MALRD1: variants seen among roughly 807,000 people sequenced by gnomAD.
The protein encoded by MALRD1 is MAM and LDL receptor class A domain containing 1.
MALRD1 carries 247 observed loss-of-function variants against 242.1 expected under a neutral mutation model. That is an observed-to-expected ratio of 1.02 (90% CI 0.92 to 1.13). The LOEUF (loss-of-function observed/expected upper bound fraction) is 1.13. Among genes scored for constraint, MALRD1 ranks in the 50% most tolerant of loss-of-function variants. The pLI is 0.00. For missense variants in MALRD1, 2,989 were observed against 2,533.1 expected (o/e 1.18, Z -3.86); for synonymous variants, 995 against 866.6 (o/e 1.15, Z -2.60).
At chr10:19,322,968 G>T (rs1455088022) in intron 21 of MALRD1, among the ~76,000 whole-genome samples, 1 of 152,014 alleles carries the variant, frequency 6.6e-6, no homozygotes, top group Non-Finnish European at 1.5e-5. Flanking sequence ...AACCTAGAAT[G>T]ACTTTAATGT....
At chr10:19,554,840 C>T (rs1379904607) in intron 32 of MALRD1, among the ~76,000 whole-genome samples, 2 of 152,026 alleles carry the variant, frequency 1.3e-5, no homozygotes, top group African/African-American at 4.8e-5. Flanking sequence ...CATTTCTTTG[C>T]TACTGTATGC....
At chr10:19,241,168 A>G (rs1345988338) in intron 18 of MALRD1, among the ~76,000 whole-genome samples, 1 of 152,092 alleles carries the variant, frequency 6.6e-6, no homozygotes, top group Non-Finnish European at 1.5e-5. Context: ...GGTAGAATTC[A>G]GCAGTGAAGA....
intron 28 of MALRD1, among the ~76,000 whole-genome samples, chr10:19,390,739 A>G (rs1188617525): frequency 6.6e-6 from 1 of 152,106 alleles, no homozygotes; most frequent in Non-Finnish European, 1.5e-5. Context: ...TGAGCTGAAT[A>G]CCAAAGAGCT....
At chr10:19,053,004 C>T (rs1427351451) in intron 1 of MALRD1, among the ~76,000 whole-genome samples, 3 of 152,184 alleles carry the variant, frequency 2.0e-5, no homozygotes, top group Admixed American at 6.5e-5. Context: ...GAATCTCTGA[C>T]CTCCCTTGAT....
chr10:19,691,270 AAGGCATTCTGAT>A (rs1394374311), intron 36 of MALRD1, among the ~76,000 whole-genome samples: 1 of 152,164 alleles, frequency 6.6e-6, no homozygotes, highest in Non-Finnish European at 1.5e-5. Context: ...TAAAGAAAGA[AAGGCATTCTGAT>A]AGGCCTCCAT....
chr10:19,501,922 G>A (rs1348799832), intron 31 of MALRD1, among the ~76,000 whole-genome samples: 3 of 151,368 alleles, frequency 2.0e-5, no homozygotes, highest in Non-Finnish European at 2.9e-5. Context: ...CCCACTACTC[G>A]GGAGGCTGAG....
chr10:19,695,400 T>C (rs996315974), intron 38 of MALRD1, among the ~76,000 whole-genome samples: 3 of 152,004 alleles, frequency 2.0e-5, no homozygotes, highest in African/African-American at 7.2e-5. Flanking sequence ...AATAAAGACA[T>C]ACCAAGACTG....
chr10:19,159,391 C>T (rs778088794), intron 12 of MALRD1, among the ~76,000 whole-genome samples: 2 of 151,458 alleles, frequency 1.3e-5, no homozygotes, highest in African/African-American at 4.9e-5. Flanking sequence ...TCTGTATCTT[C>T]GTATTCTAGA....
intron 5 of MALRD1, among the ~76,000 whole-genome samples, chr10:19,119,292 G>C (rs139158646): frequency 1.7e-3 from 258 of 152,270 alleles, no homozygotes; most frequent in African/African-American, 6.0e-3. Context: ...CCGCCCAAGG[G>C]GTTCACCTTG....
At chr10:19,673,670 C>T (rs1191898410) in intron 36 of MALRD1, among the ~76,000 whole-genome samples, 3 of 151,982 alleles carry the variant, frequency 2.0e-5, no homozygotes, top group East Asian at 1.9e-4. Context: ...AACAAACAGC[C>T]AAATAGCCTA....
At chr10:19,119,391 G>C (rs780042806) in intron 5 of MALRD1, among the ~76,000 whole-genome samples, 5 of 152,140 alleles carry the variant, frequency 3.3e-5, no homozygotes, top group Non-Finnish European at 7.3e-5. Context: ...TGGGAGACTG[G>C]AGTTATATTA....
chr10:19,535,820 C>T lies in MALRD1; in HGVS notation c.5478+4469C>T, dbSNP rs529561803. 7.9e-5 allele frequency among the ~76,000 whole-genome samples: 12 copies of T among 152,202 alleles called. No individual in the cohort carries two copies. In the South Asian group the frequency reaches 2.5e-3, roughly 32 times the overall value. On this transcript the variant is annotated intron_variant, in intron 32 of 39. Transcript: ENST00000454679. ...CCCAGAATGTGCCATAAACACATGA[C>T]CTCTTGAGTTAATAATAGCAAATGT...
rs969873995 is a variant in MALRD1, at chr10:19,497,118, A to G, written c.5159-1367A>G. Among the ~76,000 whole-genome samples, 5 of 152,168 alleles carry G rather than the reference A, an allele frequency of 3.3e-5. No individual in the cohort carries two copies. The South Asian group carries it at 6.2e-4, about 19-fold the overall frequency. ...TGCGGAATAAATATTGTAGGGCTGTATATCAGGGAGTCACTTACATAGAAA... is the reference window on the plus strand; with the variant it reads ...TGCGGAATAAATATTGTAGGGCTGTGTATCAGGGAGTCACTTACATAGAAA... On this transcript the variant is annotated intron_variant, in intron 30 of 39. Transcript: ENST00000454679.
chr10:19,290,890 C>G (rs1317648846), intron 21 of MALRD1, among the ~76,000 whole-genome samples: 2 of 151,986 alleles, frequency 1.3e-5, no homozygotes, highest in African/African-American at 4.8e-5. Context: ...TTTATATGAT[C>G]TCAGAGTCCT....
At position 19,719,223 on chromosome 10, in the gene MALRD1, C is replaced by CATATATATATATATATAT. The variant is rs368394538; in HGVS notation, c.6315-11464_6315-11447dup. Among the ~76,000 whole-genome samples, 129 of 76,352 alleles carry CATATATATATATATATAT rather than the reference C, an allele frequency of 1.7e-3. 3 individuals carry two copies. The highest frequency in any genetic ancestry group is 2.1e-3 in the Non-Finnish European group (88 of 42,460). 50.1% of individuals were successfully genotyped at this position (76,352 alleles called of 152,430 possible). A position where few individuals can be genotyped will look rare whatever the true frequency, so the allele number is the denominator to read the frequency against. ...ATATATATATATATACACATACATA[C>CATATATATATATATATAT]ATATATATATATATATATATATATA... On this transcript the variant is annotated intron_variant, in intron 38 of 39. Coordinates refer to ENST00000454679, the MANE Select transcript of MALRD1 (RefSeq NM_001142308.3).
At chr10:19,530,698 G>T (rs770748392) in intron 31 of MALRD1, among the ~76,000 whole-genome samples, 12 of 151,572 alleles carry the variant, frequency 7.9e-5, no homozygotes, top group Non-Finnish European at 1.5e-4. Flanking sequence ...GAGAAGAAAA[G>T]AAATAGTGTA....
rs183816528 is a variant in MALRD1, at chr10:19,385,200, A to G, written c.4442-2328A>G. Among the ~76,000 whole-genome samples, 412 of 152,136 alleles carry G rather than the reference A, an allele frequency of 2.7e-3. 2 individuals are homozygous for G. Among genetic ancestry groups the G allele is most frequent in the African/African-American group, 9.3e-3 (388 of 41,528 alleles). On this transcript the variant is annotated intron_variant, in intron 26 of 39. Coordinates refer to ENST00000454679, the MANE Select transcript of MALRD1 (RefSeq NM_001142308.3). ...GAGGATTTTTGCATCCATATTTATT[A>G]GGGATATTGGCTGTAGTTTTCTCCT...
intron 29 of MALRD1, among the ~76,000 whole-genome samples, chr10:19,485,752 T>G (rs1196499399): frequency 1.3e-5 from 2 of 152,016 alleles, no homozygotes; most frequent in Admixed American, 6.6e-5. Flanking sequence ...GACAAATCCA[T>G]CGATACATTT....
At chr10:19,675,365 A>G (rs764672162) in intron 36 of MALRD1, among the ~76,000 whole-genome samples, 4 of 152,162 alleles carry the variant, frequency 2.6e-5, no homozygotes, top group Non-Finnish European at 4.4e-5. Context: ...TGAATTTACT[A>G]CTTACAAAGC....
Sources: allele counts gnomAD v4.1 joint callset (sites outside exome capture counted in the v4.1 genomes callset), GRCh38; gene constraint gnomAD v4.1.1; transcripts MANE v1.5; gene names NCBI Gene and HGNC (gene_info 2026-07-23, HGNC 2026-07-21).